The following GPC5 variants were observed in gnomAD, a reference collection of about 807,000 sequenced individuals.
The protein encoded by GPC5 is glypican-5.
In GPC5, 47 loss-of-function variants were observed where a neutral mutation model predicts 53.9. The ratio of observed to expected loss-of-function variants is 0.87; its 90% CI spans 0.69 to 1.11. The LOEUF is 1.11. Ranked by LOEUF, GPC5 falls within the 50% of genes most tolerant of loss-of-function variation. The pLI is 0.00. For missense variants in GPC5, 748 were observed against 713.1 expected, an observed-to-expected ratio of 1.05 and a Z score of -0.56; for synonymous variants, 286 against 263.3, an observed-to-expected ratio of 1.09 and a Z score of -0.84.
rs1460407610 is a variant in GPC5, at chr13:92,866,972, A to T, written c.*533A>T. On this transcript the variant is annotated 3_prime_UTR_variant, in exon 8 of 8. Coordinates refer to ENST00000377067, the MANE Select transcript of GPC5 (RefSeq NM_004466.6). ...GGAAATGTCTGAATGTCTATAAGTT[A>T]TGGGGTAGATTCTTGAGAAGCATTT... The T allele has an allele frequency of 6.6e-6, 1 of 152,120 alleles. No individual in the cohort carries two copies. The highest frequency in any genetic ancestry group is 1.5e-5 in the Non-Finnish European group (1 of 68,006). The allele number at this position is 152,120 out of a possible 1,614,324, so 9.4% of individuals were successfully genotyped here.
chr13:92,347,579 T>C (rs141573555), intron 7 of GPC5, among the ~76,000 whole-genome samples: 1 of 151,404 alleles, frequency 6.6e-6, no homozygotes, highest in Non-Finnish European at 1.5e-5. Flanking sequence ...AAATTAATAA[T>C]GATACATATG....
chr13:92,711,550 A>G (rs750084634), intron 7 of GPC5, among the ~76,000 whole-genome samples: 11 of 152,156 alleles, frequency 7.2e-5, no homozygotes, highest in Non-Finnish European at 1.2e-4. Flanking sequence ...ACAACTAGAA[A>G]GAAAATCAAG....
chr13:92,289,479 T>G (rs888556848), intron 7 of GPC5, among the ~76,000 whole-genome samples: 1 of 152,080 alleles, frequency 6.6e-6, no homozygotes, highest in African/African-American at 2.4e-5. Context: ...TAATAACATT[T>G]AATAACTTTT....
intron 2 of GPC5, among the ~76,000 whole-genome samples, chr13:91,485,012 A>G (rs1217617465): frequency 6.6e-6 from 1 of 152,252 alleles, no homozygotes; most frequent in Non-Finnish European, 1.5e-5. Context: ...AGAGCTTGTT[A>G]GAAATGCAGA....
intron 7 of GPC5, among the ~76,000 whole-genome samples, chr13:92,733,744 G>A (rs1888867579): frequency 6.6e-6 from 1 of 151,696 alleles, no homozygotes; most frequent in Admixed American, 6.6e-5. Context: ...TCTTTAAACA[G>A]AAAAACATGT....
intron 2 of GPC5, among the ~76,000 whole-genome samples, chr13:91,653,461 T>C (rs2034767819): frequency 6.6e-6 from 1 of 152,106 alleles, no homozygotes; most frequent in Non-Finnish European, 1.5e-5. Flanking sequence ...TGCTATATGA[T>C]AGCAAAACAG....
At chr13:92,255,914 A>G (rs2139134539) in intron 7 of GPC5, among the ~76,000 whole-genome samples, 1 of 152,244 alleles carries the variant, frequency 6.6e-6, no homozygotes, top group Non-Finnish European at 1.5e-5. Flanking sequence ...AAGGAAGGGA[A>G]TGACTCTAAA....
At chr13:92,194,059 A>T (rs1349485345) in intron 7 of GPC5, among the ~76,000 whole-genome samples, 1 of 152,210 alleles carries the variant, frequency 6.6e-6, no homozygotes, top group Non-Finnish European at 1.5e-5. Flanking sequence ...ATACGAATGA[A>T]AGGAAAGAAG....
intron 7 of GPC5, among the ~76,000 whole-genome samples, chr13:92,575,099 G>T (rs1883149954): frequency 6.6e-6 from 1 of 152,106 alleles, no homozygotes; most frequent in South Asian, 2.1e-4. Flanking sequence ...TCCCTTCTGG[G>T]CAAATTTTGG....
chr13:92,381,589 T>C (rs2043739294), intron 7 of GPC5, among the ~76,000 whole-genome samples: 2 of 151,502 alleles, frequency 1.3e-5, no homozygotes, highest in South Asian at 4.1e-4. Flanking sequence ...GGAAACAACG[T>C]GGAGATTCCT....
At chr13:92,811,332 G>A (rs1263223699) in intron 7 of GPC5, among the ~76,000 whole-genome samples, 2 of 151,786 alleles carry the variant, frequency 1.3e-5, no homozygotes, top group African/African-American at 4.9e-5. Context: ...TTCCACCATC[G>A]TAATGGTATT....
chr13:91,760,854 T>C (rs1430941602), intron 5 of GPC5, among the ~76,000 whole-genome samples: 2 of 152,188 alleles, frequency 1.3e-5, no homozygotes, highest in East Asian at 3.8e-4. Context: ...GTTTGATTTT[T>C]GAAACAAAAT....
At chr13:92,647,637 G>A (rs1885817336) in intron 7 of GPC5, among the ~76,000 whole-genome samples, 2 of 152,072 alleles carry the variant, frequency 1.3e-5, no homozygotes, top group South Asian at 4.1e-4. Flanking sequence ...TAACAATAGA[G>A]TTCCAGAGTT....
chr13:92,798,233 T>G (rs1206579667), intron 7 of GPC5, among the ~76,000 whole-genome samples: 1 of 151,886 alleles, frequency 6.6e-6, no homozygotes, highest in Non-Finnish European at 1.5e-5. Context: ...CAATCAAATT[T>G]CAGTAAGACA....
At chr13:92,383,290 G>A (rs1176242309) in intron 7 of GPC5, among the ~76,000 whole-genome samples, 1 of 152,052 alleles carries the variant, frequency 6.6e-6, no homozygotes, top group Non-Finnish European at 1.5e-5. Flanking sequence ...TAATATTCAA[G>A]CATATGCTCA....
intron 7 of GPC5, among the ~76,000 whole-genome samples, chr13:92,387,476 G>C (rs1039444687): frequency 2.6e-5 from 4 of 152,098 alleles, no homozygotes; most frequent in Non-Finnish European, 4.4e-5. Context: ...AGCCAGTGAG[G>C]CAGAAGAGTG....
At chr13:92,124,843 T>C (rs1233280235) in intron 6 of GPC5, among the ~76,000 whole-genome samples, 2 of 152,162 alleles carry the variant, frequency 1.3e-5, no homozygotes, top group Non-Finnish European at 2.9e-5. Flanking sequence ...TTATCTGTAA[T>C]GGTGGGATGG....
chr13:91,777,984 C>G (rs1435843373), intron 5 of GPC5, among the ~76,000 whole-genome samples: 1 of 152,102 alleles, frequency 6.6e-6, no homozygotes, highest in African/African-American at 2.4e-5. Flanking sequence ...ATCTCTGCCC[C>G]TCACAGCACT....
chr13:91,688,038 T>C (rs976395014), intron 2 of GPC5, among the ~76,000 whole-genome samples: 5 of 152,118 alleles, frequency 3.3e-5, no homozygotes, highest in Non-Finnish European at 7.4e-5. Context: ...TTGACAGTTA[T>C]TTTGAAAGTT....
Sources: gnomAD v4.1 joint callset for allele counts (sites outside exome capture counted in the v4.1 genomes callset) on GRCh38, gnomAD v4.1.1 for gene constraint, MANE v1.5 for transcripts, NCBI Gene and HGNC (gene_info 2026-07-23, HGNC 2026-07-21) for gene names.